Variants in LRBA observed in about 807,000 individuals in gnomAD.
The protein encoded by LRBA is LPS responsive beige-like anchor protein, also known as lipopolysaccharide-responsive and beige-like anchor protein.
LRBA carries 176 observed loss-of-function variants against 330.0 expected under a neutral mutation model. The observed-to-expected ratio is 0.53, with a 90% confidence interval of 0.47 to 0.60. The LOEUF is 0.60. Among genes scored for constraint, LRBA ranks in the 20% least tolerant of loss-of-function variants. The pLI is 0.00. For synonymous variants in LRBA, 1,230 were observed against 1,193.0 expected (o/e 1.03, Z -0.64); for missense variants, 3,259 against 3,444.8 (o/e 0.95, Z 1.35).
intron 55 of LRBA, among the ~76,000 whole-genome samples, chr4:150,278,269 T>C (rs1009122255): frequency 6.6e-6 from 1 of 152,240 alleles, no homozygotes; most frequent in Non-Finnish European, 1.5e-5. Context: ...CAAATGCTAC[T>C]GGAATGGTGT....
At position 150,872,706 on chromosome 4, in the gene LRBA, C is replaced by A; in HGVS notation, c.2215G>T (p.Ala739Ser). The A allele has an allele frequency of 6.2e-7, 1 of 1,609,332 alleles. No homozygotes were observed. Among genetic ancestry groups the A allele is most frequent in the South Asian group, 1.1e-5 (1 of 90,156 alleles). ...AAAAAATAACCCATTGCCTTAAGAG[C>A]TTGTACCCTGATTCCTTCACTTTTC... ...ASKSEGIRVQ[A>S]LKAMGYFLKH... Residue 739 changes from alanine to serine, a missense_variant, in exon 18 of 57, where the codon GCT becomes TCT. Physicochemically the swap from Ala to Ser is moderately conservative, Grantham distance 99 (BLOSUM62 1). Coordinates refer to ENST00000651943, the MANE Select transcript of LRBA (RefSeq NM_001364905.1).
intron 2 of LRBA, among the ~76,000 whole-genome samples, chr4:150,975,966 A>G (rs144553602): frequency 0.011 from 1,650 of 152,238 alleles, 35 homozygotes; most frequent in African/African-American, 0.036. Context: ...GTTTGAGACC[A>G]GCCTGGCCAA....
intron 47 of LRBA, among the ~76,000 whole-genome samples, chr4:150,408,374 T>A (rs1746495498): frequency 1.3e-5 from 2 of 151,880 alleles, no homozygotes; most frequent in African/African-American, 4.8e-5. Context: ...CTATAAAAAC[T>A]AAAAAAACTG....
chr4:150,754,721 A>T (rs2081328714), intron 35 of LRBA, among the ~76,000 whole-genome samples: 1 of 152,094 alleles, frequency 6.6e-6, no homozygotes, highest in African/African-American at 2.4e-5. Flanking sequence ...CTTGAGCCTG[A>T]GCGACAAGGC....
At chr4:150,412,015 T>C (rs1031177478) in intron 47 of LRBA, among the ~76,000 whole-genome samples, 33 of 152,184 alleles carry the variant, frequency 2.2e-4, no homozygotes. Flanking sequence ...ATAGACTATA[T>C]TGTAAGGAAA....
At chr4:150,489,014 T>C (rs1320271039) in intron 41 of LRBA, among the ~76,000 whole-genome samples, 2 of 116,782 alleles carry the variant, frequency 1.7e-5, no homozygotes, top group Non-Finnish European at 3.3e-5. Flanking sequence ...ATATAATATA[T>C]TATATATAAG....
chr4:150,850,132 C>T (rs1373525149), intron 24 of LRBA, among the ~76,000 whole-genome samples: 9 of 147,334 alleles, frequency 6.1e-5, no homozygotes, highest in Non-Finnish European at 1.0e-4. Context: ...CTCGCTCTGT[C>T]GCCCAGGCCG....
intron 56 of LRBA, among the ~76,000 whole-genome samples, chr4:150,269,508 TTAAAAC>T (rs1745796583): frequency 6.6e-6 from 1 of 152,180 alleles, no homozygotes; most frequent in Non-Finnish European, 1.5e-5. Context: ...TAAATACAAA[TTAAAAC>T]TATAAAACTT....
rs1465946775 is a variant in LRBA, at chr4:150,681,184, ACT to A, written c.5921+2365_5921+2366del. On this transcript the variant is annotated intron_variant, in intron 37 of 56. Transcript: ENST00000651943. Reference sequence around the variant, plus strand: ...TTAAATGCATTACAGCTACAGTATGACTCTGATTTCTCTCTAATGCCATTTAT... The same window carrying A: ...TTAAATGCATTACAGCTACAGTATGACTGATTTCTCTCTAATGCCATTTAT... Among the ~76,000 whole-genome samples the A allele has an allele frequency of 3.3e-5, 5 of 152,278 alleles. 1 individual carries two copies. The South Asian group carries it at 8.3e-4, about 25-fold the overall frequency.
At chr4:150,838,208 C>G (rs919049375) in intron 28 of LRBA, among the ~76,000 whole-genome samples, 1 of 152,196 alleles carries the variant, frequency 6.6e-6, no homozygotes, top group African/African-American at 2.4e-5. Context: ...ATCTTTCTCT[C>G]TGGCTGCCCT....
intron 40 of LRBA, among the ~76,000 whole-genome samples, chr4:150,535,658 T>C (rs1018491442): frequency 1.3e-5 from 2 of 152,350 alleles, no homozygotes; most frequent in East Asian, 3.9e-4. Flanking sequence ...TAGAGAACTA[T>C]CTACCTTAAA....
intron 44 of LRBA, among the ~76,000 whole-genome samples, chr4:150,453,939 T>C (rs1024633194): frequency 6.6e-6 from 1 of 152,194 alleles, no homozygotes; most frequent in Non-Finnish European, 1.5e-5. Flanking sequence ...TTCATGTGAA[T>C]GTTTCGATCA....
intron 36 of LRBA, among the ~76,000 whole-genome samples, chr4:150,732,130 T>C (rs2127130288): frequency 6.6e-6 from 1 of 152,266 alleles, no homozygotes; most frequent in East Asian, 1.9e-4. Context: ...TCATAATTTA[T>C]TAACCTTCTA....
chr4:150,903,069 T>C lies in LRBA; in HGVS notation c.1755+2769A>G, dbSNP rs559124995. Among the ~76,000 whole-genome samples, 6 of 152,298 alleles carry C rather than the reference T, an allele frequency of 3.9e-5. No homozygotes were observed. In the East Asian group the frequency reaches 1.2e-3, roughly 29 times the overall value. On this transcript the variant is annotated intron_variant, in intron 13 of 56. Transcript: ENST00000651943. ...CATTAAAACTGCTGGGGCTAAGAAA[T>C]TATAAGAGTCATATGTTAGGAAAAT...
chr4:150,830,793 C>A (rs1053435520), intron 29 of LRBA, among the ~76,000 whole-genome samples: 1 of 134,388 alleles, frequency 7.4e-6, no homozygotes, highest in African/African-American at 2.8e-5. Context: ...AACGGAGTCT[C>A]ACTCTGTCAC....
intron 2 of LRBA, among the ~76,000 whole-genome samples, chr4:150,966,475 ATTTTTTT>A (rs36013649): frequency 5.2e-5 from 6 of 114,616 alleles, no homozygotes; most frequent in African/African-American, 1.7e-4. Flanking sequence ...CACCCAGCTA[ATTTTTTT>A]TTTTTTTTTT....
At chr4:150,749,146 A>G (rs1423447933) in intron 35 of LRBA, among the ~76,000 whole-genome samples, 1 of 152,214 alleles carries the variant, frequency 6.6e-6, no homozygotes, top group African/African-American at 2.4e-5. Context: ...TGTAAGAGTT[A>G]TAACTATAAA....
intron 56 of LRBA, among the ~76,000 whole-genome samples, chr4:150,266,878 G>A (rs545703858): frequency 7.2e-5 from 11 of 152,274 alleles, no homozygotes; most frequent in South Asian, 6.2e-4. Context: ...AAGATATTCC[G>A]TGTAAGTACT....
chr4:150,534,901 A>G (rs1764482163), intron 40 of LRBA, among the ~76,000 whole-genome samples: 2 of 152,196 alleles, frequency 1.3e-5, no homozygotes, highest in Admixed American at 6.5e-5. Context: ...AATGTGACAG[A>G]GGTTTTGTTT....
Sources: gnomAD v4.1 joint callset for allele counts (sites outside exome capture counted in the v4.1 genomes callset) on GRCh38, gnomAD v4.1.1 for gene constraint, MANE v1.5 for transcripts, NCBI Gene and HGNC (gene_info 2026-07-23, HGNC 2026-07-21) for gene names.